CAMTA1: variants seen among roughly 807,000 people sequenced by gnomAD.
CAMTA1 encodes the protein calmodulin binding transcription activator 1, also known as calmodulin-binding transcription activator 1.
CAMTA1 carries 27 observed loss-of-function variants against 170.9 expected under a neutral mutation model. That is an observed-to-expected ratio of 0.16 (90% confidence interval 0.12 to 0.22). The LOEUF (loss-of-function observed/expected upper bound fraction) is 0.22, where lower values mean the gene tolerates loss of function less well. Ranked by LOEUF, CAMTA1 falls within the 10% of genes least tolerant of loss-of-function variation. The pLI is 1.00. For synonymous variants in CAMTA1, 833 were observed against 891.5 expected (o/e 0.93, Z 1.17); for missense variants, 1,619 against 2,217.2 (o/e 0.73, Z 5.42).
chr1:7,242,825 G>T (rs894022874), intron 4 of CAMTA1, among the ~76,000 whole-genome samples: 1 of 148,816 alleles, frequency 6.7e-6, no homozygotes, highest in African/African-American at 2.6e-5. Flanking sequence ...AGCCGGGCAT[G>T]GTGGCGGGCG....
intron 16 of CAMTA1, among the ~76,000 whole-genome samples, chr1:7,740,057 A>G (rs781394108): frequency 4.0e-5 from 6 of 151,766 alleles, no homozygotes; most frequent in Non-Finnish European, 8.8e-5. Flanking sequence ...CAGTTTCCCT[A>G]CCACAACACA....
At chr1:6,973,587 G>A (rs1205694693) in intron 3 of CAMTA1, among the ~76,000 whole-genome samples, 7 of 152,202 alleles carry the variant, frequency 4.6e-5, no homozygotes, top group Non-Finnish European at 8.8e-5. Flanking sequence ...CAGTGGGCAC[G>A]GGAGTGCTAA....
At chr1:6,911,721 T>A (rs1679722014) in intron 3 of CAMTA1, among the ~76,000 whole-genome samples, 1 of 152,144 alleles carries the variant, frequency 6.6e-6, no homozygotes, top group Admixed American at 6.5e-5. Flanking sequence ...GAGCTCCTCA[T>A]CTGAAAAATG....
At chr1:7,625,467 T>C (rs2095627176) in intron 6 of CAMTA1, among the ~76,000 whole-genome samples, 2 of 152,222 alleles carry the variant, frequency 1.3e-5, no homozygotes. Context: ...GAGTTGCCCC[T>C]GCCCTGAGGA....
chr1:7,201,635 A>G lies in CAMTA1; in HGVS notation c.303-47856A>G, dbSNP rs535760398. ...GATGTGAATCTCCCTGATAGCTAATAATATCAAGTGTCTTTGTGTGTATAT... is the reference window on the plus strand; with the variant it reads ...GATGTGAATCTCCCTGATAGCTAATGATATCAAGTGTCTTTGTGTGTATAT... On this transcript the variant is annotated intron_variant, in intron 4 of 22. Coordinates refer to ENST00000303635, the MANE Select transcript of CAMTA1 (RefSeq NM_015215.4). Among the ~76,000 whole-genome samples the G allele has an allele frequency of 4.6e-5, 7 of 152,304 alleles. No homozygotes were observed. The South Asian group carries it at 1.5e-3, about 32-fold the overall frequency.
intron 6 of CAMTA1, among the ~76,000 whole-genome samples, chr1:7,500,375 G>C (rs558634414): frequency 4.3e-4 from 66 of 151,852 alleles, no homozygotes; most frequent in African/African-American, 1.6e-3. Context: ...ATATGAGTGT[G>C]TGTGTGCATG....
intron 6 of CAMTA1, among the ~76,000 whole-genome samples, chr1:7,610,004 G>C (rs923564348): frequency 6.6e-6 from 1 of 152,200 alleles, no homozygotes; most frequent in Non-Finnish European, 1.5e-5. Flanking sequence ...TCCACACTGT[G>C]TGTGCACTCA....
chr1:6,878,090 A>C (rs1670445152), intron 3 of CAMTA1, among the ~76,000 whole-genome samples: 1 of 152,248 alleles, frequency 6.6e-6, no homozygotes, highest in South Asian at 2.1e-4. Flanking sequence ...GACCAGGCAG[A>C]TGGTTCTTAT....
intron 4 of CAMTA1, among the ~76,000 whole-genome samples, chr1:7,223,849 C>T (rs59608618): frequency 0.094 from 14,339 of 152,128 alleles, 1,941 homozygotes; most frequent in African/African-American, 0.3. Flanking sequence ...TCCTTTTAAT[C>T]TCAAATTTTA....
At chr1:7,282,793 G>A (rs1573737) in intron 5 of CAMTA1, among the ~76,000 whole-genome samples, 1 of 152,152 alleles carries the variant, frequency 6.6e-6, no homozygotes, top group South Asian at 2.1e-4. Context: ...GGGGGACAGA[G>A]GGATATGGGT....
Position 7,146,513 on chromosome 1 carries a change from G to C in CAMTA1, c.302+55142G>C, listed in dbSNP as rs533845173. 2.6e-5 allele frequency among the ~76,000 whole-genome samples: 4 copies of C among 152,250 alleles called. No individual in the cohort carries two copies. Among genetic ancestry groups the C allele is most frequent in the African/African-American group, 7.2e-5 (3 of 41,546 alleles). ...AACCAGTTAGGTGAATTCTGTGCTG[G>C]TGGACACTGCCGCCCAGCAGGACAC... On this transcript the variant is annotated intron_variant, in intron 4 of 22. Coordinates refer to ENST00000303635, the MANE Select transcript of CAMTA1 (RefSeq NM_015215.4). The surrounding 1 kb of genome is among the most constrained non-coding windows in gnomAD (Gnocchi z 4.3).
intron 3 of CAMTA1, among the ~76,000 whole-genome samples, chr1:7,088,690 G>A (rs1641070503): frequency 6.6e-6 from 1 of 152,132 alleles, no homozygotes; most frequent in Non-Finnish European, 1.5e-5. Flanking sequence ...ATGTTTAGAG[G>A]TTGGGATCCA....
At chr1:7,380,645 T>C (rs1171054049) in intron 5 of CAMTA1, among the ~76,000 whole-genome samples, 6 of 152,334 alleles carry the variant, frequency 3.9e-5, no homozygotes, top group Admixed American at 3.3e-4. Context: ...TCTTCCTCTT[T>C]AGGGCCTAGT....
At position 7,067,485 on chromosome 1, in the gene CAMTA1, C is replaced by T. The variant is rs1709110400; in HGVS notation, c.235-23819C>T. ...ATTTGAATGATCTTGACTCTGTTCCCAACCAGCCTCTTGGTTTAATTCCAG... is the reference window on the plus strand; with the variant it reads ...ATTTGAATGATCTTGACTCTGTTCCTAACCAGCCTCTTGGTTTAATTCCAG... On this transcript the variant is annotated intron_variant, in intron 3 of 22. Transcript: ENST00000303635. The surrounding 1 kb of genome is among the most constrained non-coding windows in gnomAD (Gnocchi z 4.3). 6.6e-6 allele frequency among the ~76,000 whole-genome samples: 1 copy of T among 152,188 alleles called. No homozygotes were observed. Among genetic ancestry groups the T allele is most frequent in the African/African-American group, 2.4e-5 (1 of 41,448 alleles).
rs539095741 is a variant in CAMTA1 at position 7,614,959 on chromosome 1, A to T, written c.511-25441A>T. ...AGGGCTTTGAGCCACAGCAGGTGTT[A>T]CATTTCCCAACCGCTGCTTCTTCCT... On this transcript the variant is annotated intron_variant, in intron 6 of 22. Transcript: ENST00000303635. Among the ~76,000 whole-genome samples, 49 of 152,336 alleles carry T rather than the reference A, an allele frequency of 3.2e-4. No individual in the cohort carries two copies. The East Asian group carries it at 9.3e-3, about 29-fold the overall frequency.
chr1:6,907,143 AAATCCGGTGTGTGGTTTCTGCTGTGTCCT>A (rs1418521441), intron 3 of CAMTA1, among the ~76,000 whole-genome samples: 1 of 152,170 alleles, frequency 6.6e-6, no homozygotes, highest in East Asian at 1.9e-4. Flanking sequence ...TGCTTTCTAA[AAATCCGGTGTGTGGTTTCTGCTGTGTCCT>A]TGAGTTGGTA....
intron 3 of CAMTA1, among the ~76,000 whole-genome samples, chr1:6,976,285 G>T (rs1693409965): frequency 1.3e-5 from 2 of 152,232 alleles, no homozygotes; most frequent in South Asian, 4.1e-4. Context: ...CTCATCAGCA[G>T]GACCTCCTGC....
intron 5 of CAMTA1, among the ~76,000 whole-genome samples, chr1:7,351,426 G>A (rs1277286070): frequency 1.3e-5 from 2 of 152,222 alleles, no homozygotes; most frequent in African/African-American, 2.4e-5. Flanking sequence ...GAGGGCCAAG[G>A]TACCTCCCAC....
At chr1:6,916,764 C>T (rs369032816) in intron 3 of CAMTA1, among the ~76,000 whole-genome samples, 8 of 152,126 alleles carry the variant, frequency 5.3e-5, no homozygotes, top group Admixed American at 3.3e-4. Context: ...ACAGTAGATA[C>T]GTTTTCTGCT....
Sources: gnomAD v4.1 joint callset for allele counts (sites outside exome capture counted in the v4.1 genomes callset) on GRCh38, gnomAD v4.1.1 for gene constraint, Gnocchi (gnomAD v3.1) non-coding constraint, MANE v1.5 for transcripts, NCBI Gene and HGNC (gene_info 2026-07-23, HGNC 2026-07-21) for gene names.